Variants in IL1RAPL2 observed in about 807,000 individuals in gnomAD.
IL1RAPL2 encodes interleukin 1 receptor accessory protein like 2, also known as X-linked interleukin-1 receptor accessory protein-like 2.
Under a neutral mutation model 44.1 loss-of-function variants are expected in IL1RAPL2, and 3 were observed. The observed-to-expected ratio is 0.07, with a 90% confidence interval of 0.03 to 0.18. The LOEUF (loss-of-function observed/expected upper bound fraction) is 0.18, where lower values mean the gene tolerates loss of function less well. Ranked by LOEUF, IL1RAPL2 falls within the 10% of genes least tolerant of loss-of-function variation. IL1RAPL2 has a pLI of 1.00. For missense variants in IL1RAPL2, 391 were observed against 496.4 expected (o/e 0.79, Z 2.02); for synonymous variants, 181 against 178.8 (o/e 1.01, Z -0.10).
At chrX:105,081,585 G>A (rs1228299012) in intron 2 of IL1RAPL2, among the ~76,000 whole-genome samples, 1 of 111,034 alleles carries the variant, frequency 9.0e-6, no homozygotes, top group Non-Finnish European at 1.9e-5. Context: ...CAGCTCCTTG[G>A]TCCCATTCAG....
intron 5 of IL1RAPL2, among the ~76,000 whole-genome samples, chrX:105,447,576 AAT>A (rs1360481904): frequency 1.3e-5 from 1 of 78,753 alleles, no homozygotes; most frequent in African/African-American, 5.3e-5. Flanking sequence ...TATAAACATA[AAT>A]ATATATTTAT....
At chrX:105,083,423 C>T (rs1046682421) in intron 2 of IL1RAPL2, among the ~76,000 whole-genome samples, 30 of 111,277 alleles carry the variant, frequency 2.7e-4, no homozygotes, top group African/African-American at 9.8e-4. Context: ...GCAAGACAGG[C>T]CAACATTCAA....
intron 5 of IL1RAPL2, among the ~76,000 whole-genome samples, chrX:105,278,754 A>G (rs978507945): frequency 1.8e-5 from 2 of 112,116 alleles, no homozygotes; most frequent in Non-Finnish European, 3.8e-5. Flanking sequence ...ATCACACACC[A>G]TAGTAAGTGA....
chrX:105,750,253 T>G (rs2038584379), intron 9 of IL1RAPL2, among the ~76,000 whole-genome samples: 1 of 97,854 alleles, frequency 1.0e-5, no homozygotes, highest in South Asian at 4.8e-4. Flanking sequence ...AAGCAATGTG[T>G]GTTTTTTGTT....
At chrX:104,858,913 A>T (rs992251345) in intron 2 of IL1RAPL2, among the ~76,000 whole-genome samples, 1 of 111,691 alleles carries the variant, frequency 9.0e-6, no homozygotes, top group Non-Finnish European at 1.9e-5. Context: ...CTGGCTGGAA[A>T]TAAATAAAAA....
chrX:105,466,715 A>G (rs1278713493), intron 5 of IL1RAPL2, among the ~76,000 whole-genome samples: 1 of 111,989 alleles, frequency 8.9e-6, no homozygotes, highest in Non-Finnish European at 1.9e-5. Context: ...ACTAAAGCAT[A>G]CTTATTTACT....
At chrX:104,639,286 C>T (rs1157671896) in intron 1 of IL1RAPL2, among the ~76,000 whole-genome samples, 1 of 111,011 alleles carries the variant, frequency 9.0e-6, no homozygotes, top group Admixed American at 9.6e-5. Flanking sequence ...ATGTCTTTTT[C>T]CATTCCTTTA....
intron 2 of IL1RAPL2, among the ~76,000 whole-genome samples, chrX:105,030,925 G>A (rs1013390236): frequency 1.8e-5 from 2 of 111,272 alleles, no homozygotes; most frequent in African/African-American, 6.5e-5. Flanking sequence ...TCACTGAGCA[G>A]TGGTTTGTAG....
At chrX:104,934,483 A>T (rs1924982527) in intron 2 of IL1RAPL2, among the ~76,000 whole-genome samples, 1 of 111,700 alleles carries the variant, frequency 9.0e-6, no homozygotes, top group African/African-American at 3.2e-5. Flanking sequence ...AATGCTGAAA[A>T]TCAGATCAGT....
rs189525143 is a variant in IL1RAPL2, at chrX:105,713,896, C to T, written c.773-3471C>T. The stretch of plus-strand genomic sequence containing the variant: ...TGCAAATTTTCAAAATTTTTCTATT[C>T]TGCTTCCCTTTTTAAGTATTAATTC... On this transcript the variant is annotated intron_variant, in intron 6 of 10. Coordinates refer to ENST00000372582, the MANE Select transcript of IL1RAPL2 (RefSeq NM_017416.2). 1.5e-4 allele frequency among the ~76,000 whole-genome samples: 17 copies of T among 111,774 alleles called. No individual in the cohort carries two copies. In the Admixed American group the frequency reaches 1.6e-3, roughly 11 times the overall value.
rs2038266399 is a variant in IL1RAPL2, at chrX:105,717,448, A to G, written c.854A>G (p.Glu285Gly). 8.3e-7 allele frequency: 1 copy of G among 1,204,062 alleles called. No homozygotes were observed. The highest frequency in any genetic ancestry group is 1.8e-5 in the African/African-American group (1 of 56,973). The change falls in exon 7 of 11, where the codon GAA becomes GGA. Residue 285 changes from glutamate to glycine, a missense_variant. Transcript: ENST00000372582. ...CCAATGATCTACTGGATGAAAGGAG[A>G]AAAGTTTATTGAAGAACTGGCAGGT... ...SGPMIYWMKGEKFIEELAGHI... is the reference protein window; with the variant it reads ...SGPMIYWMKGGKFIEELAGHI...
At chrX:104,815,273 G>A (rs1260348041) in intron 2 of IL1RAPL2, among the ~76,000 whole-genome samples, 1 of 111,955 alleles carries the variant, frequency 8.9e-6, no homozygotes, top group Non-Finnish European at 1.9e-5. Flanking sequence ...CTGGAAACCA[G>A]GAGTCCAAAA....
intron 2 of IL1RAPL2, among the ~76,000 whole-genome samples, chrX:104,888,451 A>T (rs1049684242): frequency 2.7e-5 from 3 of 111,315 alleles, no homozygotes; most frequent in African/African-American, 9.8e-5. Context: ...TCTGACAGCA[A>T]TTTACTCCTA....
chrX:104,647,266 C>G, intron 1 of IL1RAPL2: 1 of 396,824 alleles, frequency 2.5e-6, no homozygotes, highest in East Asian at 6.0e-5. Flanking sequence ...ATGTGATGTC[C>G]TCTGCAGCTT....
chrX:105,071,465 G>A (rs747953767), intron 2 of IL1RAPL2, among the ~76,000 whole-genome samples: 26 of 110,753 alleles, frequency 2.3e-4, no homozygotes, highest in Non-Finnish European at 5.7e-5. Flanking sequence ...CAGATTCAAC[G>A]CAATTCCTAT....
At chrX:105,074,839 G>C (rs1322657590) in intron 2 of IL1RAPL2, among the ~76,000 whole-genome samples, 3 of 109,483 alleles carry the variant, frequency 2.7e-5, no homozygotes, top group Admixed American at 2.0e-4. Flanking sequence ...TTGGCTCTCT[G>C]TTTGTCTGTT....
At chrX:105,412,513 G>A (rs1304491501) in intron 5 of IL1RAPL2, among the ~76,000 whole-genome samples, 1 of 110,143 alleles carries the variant, frequency 9.1e-6, no homozygotes, top group Non-Finnish European at 1.9e-5. Flanking sequence ...TCATAGAAGA[G>A]TAGAGTAGAA....
intron 6 of IL1RAPL2, among the ~76,000 whole-genome samples, chrX:105,611,978 C>T (rs1171374332): frequency 8.9e-6 from 1 of 111,804 alleles, no homozygotes; most frequent in Non-Finnish European, 1.9e-5. Flanking sequence ...CCTTTGCATA[C>T]AAGTCTTTCT....
chrX:105,677,728 C>T (rs775497712), intron 6 of IL1RAPL2, among the ~76,000 whole-genome samples: 1 of 111,002 alleles, frequency 9.0e-6, no homozygotes, highest in East Asian at 2.8e-4. Context: ...AGCTAAATGT[C>T]AGTAGCATTT....
Sources: allele counts gnomAD v4.1 joint callset (sites outside exome capture counted in the v4.1 genomes callset), GRCh38; gene constraint gnomAD v4.1.1; transcripts MANE v1.5; gene names NCBI Gene and HGNC (gene_info 2026-07-23, HGNC 2026-07-21).